HTR3B: variants seen among roughly 807,000 people sequenced by gnomAD.
HTR3B encodes the protein 5-hydroxytryptamine (serotonin) receptor 3B, ionotropic.
In HTR3B, 44 loss-of-function variants were observed where a neutral mutation model predicts 42.8. That is an observed-to-expected ratio of 1.03 (90% CI 0.81 to 1.32). The LOEUF (loss-of-function observed/expected upper bound fraction) is 1.32, where lower values mean the gene tolerates loss of function less well. Among genes scored for constraint, HTR3B ranks in the 40% most tolerant of loss-of-function variants. The pLI, the probability that HTR3B is intolerant of heterozygous loss-of-function variation, is 0.00. For missense variants in HTR3B, 527 were observed against 536.5 expected (o/e 0.98, Z 0.17); for synonymous variants, 203 against 209.0 (o/e 0.97, Z 0.25).
At chr11:113,932,544 T>G in intron 5 of HTR3B, 86 bp downstream of exon 5, 8 of 1,129,404 alleles carry the variant, frequency 7.1e-6, no homozygotes, top group Non-Finnish European at 1.0e-5. Flanking sequence ...TATTTTATTC[T>G]TGCAGATAAT....
At chr11:113,945,260 G>T (rs571566044) in intron 8 of HTR3B, among the ~76,000 whole-genome samples, 1 of 152,138 alleles carries the variant, frequency 6.6e-6, no homozygotes, top group African/African-American at 2.4e-5. Context: ...TCAGCCTCCC[G>T]AGTAGCTAGG....
In HTR3B at chr11:113,945,951, A is replaced by G. The variant is rs1227805810; in HGVS notation, c.1140A>G (p.Glu380=). ...TGGCCCAGCCAGGAACCCTGAAGGA[A>G]GTCTGGTCGCAGCTTCAATCTATCA... ...EHLAQPGTLK[E]VWSQLQSISN... Residue 380 remains glutamate (E), a synonymous_variant, in exon 9 of 9, where the codon GAA becomes GAG. Coordinates refer to ENST00000260191, the MANE Select transcript of HTR3B (RefSeq NM_006028.5). 1 of 1,614,078 alleles carries G rather than the reference A, an allele frequency of 6.2e-7. No homozygotes were observed. Among genetic ancestry groups the G allele is most frequent in the Admixed American group, 1.7e-5 (1 of 60,006 alleles).
intron 6 of HTR3B, among the ~76,000 whole-genome samples, chr11:113,934,423 AAAG>A (rs1326099935): frequency 6.6e-6 from 1 of 151,876 alleles, no homozygotes; most frequent in Non-Finnish European, 1.5e-5. Flanking sequence ...AGAAAGAAAG[AAAG>A]AAGGAAAGAA....
Position 113,920,581 on chromosome 11 carries a change from C to A in HTR3B, c.214-10803C>A, listed in dbSNP as rs187548879. ...TAGAGACGGGGTTACACTATGTTGG[C>A]CAGACTGGTCTCAAACTCCTGACAT... is the stretch of plus-strand genomic sequence containing the variant. On this transcript the variant is annotated intron_variant, in intron 2 of 8. Transcript: ENST00000260191. 6.6e-5 allele frequency among the ~76,000 whole-genome samples: 10 copies of A among 152,020 alleles called. No homozygotes were observed. In the South Asian group the frequency reaches 8.3e-4, roughly 13 times the overall value.
rs71063533 is a variant in HTR3B, at chr11:113,913,350, A to ATTTTTTTT, written c.213+3920_213+3927dup. ...AGGTGCCTGCCACCATGTCTGGCTA[A>ATTTTTTTT]TTTTTTTTTTTTTTTTTTTTTTTTT... On this transcript the variant is annotated intron_variant, in intron 2 of 8. Transcript: ENST00000260191. 8.0e-3 allele frequency among the ~76,000 whole-genome samples: 492 copies of ATTTTTTTT among 61,522 alleles called. 13 individuals carry two copies. Among genetic ancestry groups the ATTTTTTTT allele is most frequent in the African/African-American group, 0.014 (201 of 13,944 alleles). 40.4% of individuals were successfully genotyped at this position (61,522 alleles called of 152,430 possible).
Position 113,945,899 on chromosome 11 carries a change from C to T in HTR3B, c.1091-3C>T. On this transcript the variant is annotated splice_region_variant and splice_polypyrimidine_tract_variant and intron_variant, in intron 8 of 8. Transcript: ENST00000260191. The stretch of plus-strand genomic sequence containing the variant: ...ACCCAGGGTGTTTTCCTCCATCACA[C>T]AGAGTCCTCGCTGTATGGAGAGCAC... 1 of 1,611,328 alleles carries T rather than the reference C, an allele frequency of 6.2e-7. No homozygotes were observed. Among genetic ancestry groups the T allele is most frequent in the Non-Finnish European group, 8.5e-7 (1 of 1,177,480 alleles).
intron 2 of HTR3B, among the ~76,000 whole-genome samples, chr11:113,929,807 A>G (rs895251201): frequency 6.6e-6 from 1 of 152,136 alleles, no homozygotes; most frequent in Admixed American, 6.5e-5. Context: ...ATCTGGGCTC[A>G]CTGCAAGCTC....
At chr11:113,934,262 A>G (rs1488340853) in intron 6 of HTR3B, among the ~76,000 whole-genome samples, 2 of 152,012 alleles carry the variant, frequency 1.3e-5, no homozygotes, top group African/African-American at 2.4e-5. Flanking sequence ...TGGTGTGTGC[A>G]TGAGAATCGC....
chr11:113,912,391 GT>G (rs1949804455), intron 2 of HTR3B, among the ~76,000 whole-genome samples: 1 of 152,116 alleles, frequency 6.6e-6, no homozygotes, highest in South Asian at 2.1e-4. Flanking sequence ...CTACAGGCGT[GT>G]GCCACGACGC....
chr11:113,910,497 A>G (rs1027305989), intron 2 of HTR3B, among the ~76,000 whole-genome samples: 6 of 149,940 alleles, frequency 4.0e-5, no homozygotes, highest in South Asian at 2.1e-4. Flanking sequence ...CTGGAGTCCA[A>G]TGGCACGATC....
chr11:113,948,187 A>G lies in HTR3B; in HGVS notation c.*2050A>G, dbSNP rs1687657422. On this transcript the variant is annotated 3_prime_UTR_variant, in exon 9 of 9. Transcript: ENST00000260191. ...TTTCCTTCCTCACTTCCTACTTTCT[A>G]CTGCTGGCCTCCTCTGCTTTGACGT... 6.6e-6 allele frequency among the ~76,000 whole-genome samples: 1 copy of G among 152,106 alleles called. No individual in the cohort carries two copies. Among genetic ancestry groups the G allele is most frequent in the Non-Finnish European group, 1.5e-5 (1 of 68,010 alleles).
At chr11:113,927,917 G>T (rs1156999541) in intron 2 of HTR3B, among the ~76,000 whole-genome samples, 1 of 152,068 alleles carries the variant, frequency 6.6e-6, no homozygotes, top group African/African-American at 2.4e-5. Flanking sequence ...ACATGTGCAG[G>T]ATGTGCAGGT....
At chr11:113,902,576 C>T (rs915850350), upstream of HTR3B, among the ~76,000 whole-genome samples, 2 of 152,168 alleles carry the variant, frequency 1.3e-5, no homozygotes, top group South Asian at 4.1e-4. Flanking sequence ...GGATTACAGG[C>T]GTGAGCCACT....
upstream of HTR3B, among the ~76,000 whole-genome samples, chr11:113,900,251 C>G (rs1949688756): frequency 6.6e-6 from 1 of 151,978 alleles, no homozygotes. Flanking sequence ...GTGCAAGACT[C>G]CATCTCAAAA....
intron 2 of HTR3B, among the ~76,000 whole-genome samples, chr11:113,926,461 T>TCCTTC: frequency 6.8e-6 from 1 of 147,486 alleles, no homozygotes; most frequent in South Asian, 2.1e-4. Flanking sequence ...TCCTTTCCTT[T>TCCTTC]CCTTTCTTTT....
At chr11:113,912,224 T>G (rs1159922314) in intron 2 of HTR3B, among the ~76,000 whole-genome samples, 4 of 152,140 alleles carry the variant, frequency 2.6e-5, no homozygotes, top group Admixed American at 2.6e-4. Flanking sequence ...TCTTTTTGTG[T>G]ATATGTTTCC....
At chr11:113,907,169 A>G (rs1051016143) in intron 1 of HTR3B, among the ~76,000 whole-genome samples, 3 of 152,218 alleles carry the variant, frequency 2.0e-5, no homozygotes, top group Non-Finnish European at 2.9e-5. Context: ...AGTCCCTAAC[A>G]CATTCTACTT....
chr11:113,944,549 T>A (rs749477797), intron 7 of HTR3B, 24 bp from the exon 8 acceptor site: 14 of 1,607,222 alleles, frequency 8.7e-6, no homozygotes, highest in Admixed American at 1.7e-5. Context: ...GGAGGCTAAC[T>A]GCACCTCTTC....
At chr11:113,935,103 A>G (rs1950080076) in intron 6 of HTR3B, among the ~76,000 whole-genome samples, 1 of 124,618 alleles carries the variant, frequency 8.0e-6, no homozygotes, top group Non-Finnish European at 1.9e-5. Flanking sequence ...TTGTAGTTAC[A>G]TGTCACTTTC....
Sources: allele counts gnomAD v4.1 joint callset (sites outside exome capture counted in the v4.1 genomes callset), GRCh38; gene constraint gnomAD v4.1.1; transcripts MANE v1.5; gene names NCBI Gene and HGNC (gene_info 2026-07-23, HGNC 2026-07-21).